FUT9: variants seen among roughly 807,000 people sequenced by gnomAD.
FUT9 encodes the protein fucosyltransferase 9, also known as 4-galactosyl-N-acetylglucosaminide 3-alpha-L-fucosyltransferase 9.
In FUT9, 15 loss-of-function variants were observed where a neutral mutation model predicts 29.7. The ratio of observed to expected loss-of-function variants is 0.51; its 90% CI spans 0.34 to 0.78. The LOEUF (loss-of-function observed/expected upper bound fraction) is 0.78, where lower values mean the gene tolerates loss of function less well. Among genes scored for constraint, FUT9 ranks in the 30% least tolerant of loss-of-function variants. FUT9 has a pLI of 0.01. For missense variants in FUT9, 319 were observed against 425.4 expected, an observed-to-expected ratio of 0.75 and a Z score of 2.20; for synonymous variants, 169 against 153.7, an observed-to-expected ratio of 1.10 and a Z score of -0.74.
chr6:96,200,148 G>A (rs796873570), intron 2 of FUT9, among the ~76,000 whole-genome samples: 7 of 151,862 alleles, frequency 4.6e-5, no homozygotes, highest in African/African-American at 1.7e-4. Context: ...GAGTTAATAG[G>A]TGTGTGTGTG....
At chr6:96,025,287 G>A (rs889201551) in intron 1 of FUT9, among the ~76,000 whole-genome samples, 1 of 151,670 alleles carries the variant, frequency 6.6e-6, no homozygotes, top group Non-Finnish European at 1.5e-5. Flanking sequence ...CAAGGAACTC[G>A]TTCCATTTAG....
chr6:96,187,116 TGTAGGAAAGA>T (rs1252672810), intron 2 of FUT9, among the ~76,000 whole-genome samples: 1 of 151,932 alleles, frequency 6.6e-6, no homozygotes, highest in Non-Finnish European at 1.5e-5. Context: ...GAAAAAAGGG[TGTAGGAAAGA>T]GTCAAGGAGG....
intron 1 of FUT9, among the ~76,000 whole-genome samples, chr6:96,050,416 T>C (rs760566334): frequency 1.3e-5 from 2 of 152,232 alleles, no homozygotes; most frequent in Non-Finnish European, 2.9e-5. Flanking sequence ...GTTTGTAGTT[T>C]AGTTTTTCAG....
At chr6:96,153,664 A>G (rs1018392322) in intron 2 of FUT9, among the ~76,000 whole-genome samples, 1 of 152,170 alleles carries the variant, frequency 6.6e-6, no homozygotes, top group African/African-American at 2.4e-5. Flanking sequence ...AGACAAAAAC[A>G]TTAATTTGTT....
chr6:96,210,145 G>A lies in FUT9; in HGVS notation c.*5910G>A, dbSNP rs1773909046. 6.0e-6 allele frequency: 1 copy of A among 166,784 alleles called. No homozygotes were observed. The highest frequency in any genetic ancestry group is 1.5e-5 in the Non-Finnish European group (1 of 68,038). 10.3% of individuals were successfully genotyped at this position (166,784 alleles called of 1,614,324 possible). On this transcript the variant is annotated 3_prime_UTR_variant, in exon 3 of 3. Transcript: ENST00000302103. ...GGTTCTGGTGTCCTGCTAGTTTTGA[G>A]GTTTTCATCCCACCTGTTTAGATGG...
chr6:96,119,566 G>T (rs1379341795), intron 2 of FUT9, among the ~76,000 whole-genome samples: 1 of 152,102 alleles, frequency 6.6e-6, no homozygotes, highest in Non-Finnish European at 1.5e-5. Context: ...CATTCATCAT[G>T]TATTTTCTTA....
chr6:96,083,514 C>A (rs1771270741), intron 1 of FUT9, among the ~76,000 whole-genome samples: 1 of 152,086 alleles, frequency 6.6e-6, no homozygotes, highest in African/African-American at 2.4e-5. Flanking sequence ...CCTAGTTCTA[C>A]CTTTCATCCA....
intron 1 of FUT9, among the ~76,000 whole-genome samples, chr6:96,079,380 T>C (rs1337967446): frequency 1.3e-5 from 2 of 152,198 alleles, no homozygotes; most frequent in Non-Finnish European, 2.9e-5. Context: ...CTCTCGAAGT[T>C]AAGTCAGTTA....
chr6:96,072,036 T>C (rs1447429333), intron 1 of FUT9, among the ~76,000 whole-genome samples: 1 of 152,194 alleles, frequency 6.6e-6, no homozygotes, highest in Admixed American at 6.5e-5. Flanking sequence ...CTTCATGAAA[T>C]ACATTCTATA....
chr6:96,074,925 C>T (rs979195448), intron 1 of FUT9, among the ~76,000 whole-genome samples: 8 of 151,968 alleles, frequency 5.3e-5, no homozygotes, highest in African/African-American at 1.4e-4. Context: ...TGCAAGCTCA[C>T]GCCACCATGG....
chr6:96,163,590 C>T (rs1368915282), intron 2 of FUT9, among the ~76,000 whole-genome samples: 2 of 152,132 alleles, frequency 1.3e-5, no homozygotes. Flanking sequence ...ACCTCACCGC[C>T]GATTTCCTTT....
At chr6:96,159,081 G>A (rs1156732495) in intron 2 of FUT9, among the ~76,000 whole-genome samples, 1 of 152,108 alleles carries the variant, frequency 6.6e-6, no homozygotes, top group East Asian at 1.9e-4. Flanking sequence ...TTCTATTAGT[G>A]ATTCTTAAAG....
chr6:96,178,961 T>C (rs17056388), intron 2 of FUT9, among the ~76,000 whole-genome samples: 5,992 of 152,200 alleles, frequency 0.039, 203 homozygotes, highest in South Asian at 0.13. Flanking sequence ...TTCACAGTTA[T>C]CAACTACAAA....
At position 96,203,902 on chromosome 6, in the gene FUT9, C is replaced by T; in HGVS notation, c.747C>T (p.His249=). The T allele has an allele frequency of 6.2e-7, 1 of 1,612,212 alleles. No homozygotes were observed. The highest frequency in any genetic ancestry group is 8.5e-7 in the Non-Finnish European group (1 of 1,178,598). ...ATCTTTCCTTTGAAAATTCAATCCACAAGGATTACATCACGGAAAAGCTAT... is the reference window on the plus strand; with the variant it reads ...ATCTTTCCTTTGAAAATTCAATCCATAAGGATTACATCACGGAAAAGCTAT... ...KFYLSFENSI[H]KDYITEKLYN... is the part of the protein sequence containing the mutation. The change falls in exon 3 of 3, where the codon CAC becomes CAT. Residue 249 remains histidine, a synonymous_variant. Transcript: ENST00000302103.
chr6:96,207,249 A>ACC lies in FUT9; in HGVS notation c.*3017_*3018dup, dbSNP rs1773849643. On this transcript the variant is annotated 3_prime_UTR_variant, in exon 3 of 3. Coordinates refer to ENST00000302103, the MANE Select transcript of FUT9 (RefSeq NM_006581.4). ...CACACATACACACACACACACACACACCCCACAGCTAGTGACAATAGTTAA... is the reference window on the plus strand; with the variant it reads ...CACACATACACACACACACACACACACCCCCCACAGCTAGTGACAATAGTTAA... The ACC allele has an allele frequency of 6.0e-6, 1 of 166,042 alleles. No homozygotes were observed. Among genetic ancestry groups the ACC allele is most frequent in the African/African-American group, 2.4e-5 (1 of 41,284 alleles). 10.3% of individuals were successfully genotyped at this position (166,042 alleles called of 1,614,324 possible). A position where few individuals can be genotyped will look rare whatever the true frequency, so the allele number is the denominator to read the frequency against.
intron 2 of FUT9, among the ~76,000 whole-genome samples, chr6:96,124,481 T>A (rs1490164936): frequency 6.6e-6 from 1 of 152,170 alleles, no homozygotes; most frequent in Non-Finnish European, 1.5e-5. Context: ...CATGCTTACA[T>A]AGATTAGTGA....
At chr6:96,157,767 T>A (rs1772813203) in intron 2 of FUT9, among the ~76,000 whole-genome samples, 1 of 152,136 alleles carries the variant, frequency 6.6e-6, no homozygotes, top group Non-Finnish European at 1.5e-5. Context: ...ATAATTTGAA[T>A]CAATATCATA....
Position 96,200,950 on chromosome 6 carries a change from T to C in FUT9, c.-8-2198T>C, listed in dbSNP as rs965759908. Among the ~76,000 whole-genome samples, 4 of 152,168 alleles carry C rather than the reference T, an allele frequency of 2.6e-5. No homozygotes were observed. The East Asian group carries it at 7.7e-4, about 29-fold the overall frequency. The stretch of plus-strand genomic sequence containing the variant: ...TATTATTGCTGAATTTTTGTATTTT[T>C]GCATCTGTGTTCATAAGCACAAATG... On this transcript the variant is annotated intron_variant, in intron 2 of 2. Coordinates refer to ENST00000302103, the MANE Select transcript of FUT9 (RefSeq NM_006581.4).
At chr6:96,086,493 T>C (rs955925673) in intron 1 of FUT9, among the ~76,000 whole-genome samples, 1 of 152,206 alleles carries the variant, frequency 6.6e-6, no homozygotes, top group Non-Finnish European at 1.5e-5. Context: ...AATTATACTA[T>C]ATGTAATGCT....
Sources: allele counts gnomAD v4.1 joint callset (sites outside exome capture counted in the v4.1 genomes callset), GRCh38; gene constraint gnomAD v4.1.1; transcripts MANE v1.5; gene names NCBI Gene and HGNC (gene_info 2026-07-23, HGNC 2026-07-21).